HOXC8: variants seen among roughly 807,000 people sequenced by gnomAD.
HOXC8 encodes the protein homeobox protein Hox-C8.
HOXC8 carries 14 observed loss-of-function variants against 25.8 expected under a neutral mutation model. The observed-to-expected ratio is 0.54, with a 90% CI of 0.36 to 0.85. HOXC8 has a LOEUF of 0.85. HOXC8 is among the 40% of genes least tolerant of loss of function. The pLI is 0.01. For missense variants in HOXC8, 316 were observed against 308.8 expected, an observed-to-expected ratio of 1.02 and a Z score of -0.17; for synonymous variants, 144 against 124.6, an observed-to-expected ratio of 1.16 and a Z score of -1.04.
Position 54,009,438 on chromosome 12 carries a change from G to T in HOXC8, c.154G>T (p.Ala52Ser). The T allele has an allele frequency of 1.2e-6, 2 of 1,614,092 alleles. No individual in the cohort carries two copies. Among genetic ancestry groups the T allele is most frequent in the Non-Finnish European group, 1.7e-6 (2 of 1,179,996 alleles). ...CGGCTCGGCGCCCGGCTTCCAGCAC[G>T]CTTCGCACCACGTTCAAGACTTCTT... ...PGGSAPGFQHASHHVQDFFHH... is the reference protein window; with the variant it reads ...PGGSAPGFQHSSHHVQDFFHH... Residue 52 changes from alanine to serine, a missense_variant, in exon 1 of 2, where the codon GCT becomes TCT. By Grantham distance (99) the Ala-to-Ser change is moderately conservative (BLOSUM62 1). Transcript: ENST00000040584. The surrounding 1 kb of genome is among the most constrained non-coding windows in gnomAD (Gnocchi z 5.0).
In HOXC8 at chr12:54,011,513, C is replaced by T. The variant is rs550220697; in HGVS notation, c.*132C>T. 27 of 1,127,916 alleles carry T rather than the reference C, an allele frequency of 2.4e-5. No homozygotes were observed. In the African/African-American group the frequency reaches 2.4e-4, roughly 10 times the overall value. 69.9% of individuals were successfully genotyped at this position (1,127,916 alleles called of 1,614,324 possible). ...AGAATGACACTCACAACTCTAACTA[C>T]CTGTCAGATACTTGCAGCTCTGGTT... On this transcript the variant is annotated 3_prime_UTR_variant, in exon 2 of 2. Coordinates refer to ENST00000040584, the MANE Select transcript of HOXC8 (RefSeq NM_022658.4).
At position 54,011,603 on chromosome 12, in the gene HOXC8, C is replaced by G; in HGVS notation, c.*222C>G. On this transcript the variant is annotated 3_prime_UTR_variant, in exon 2 of 2. Transcript: ENST00000040584. ...GGGCTGGAGGGGGGAGACGGAGAAA[C>G]AGTGAAAAGTTCGGACTCTCTGTCT... The G allele has an allele frequency of 2.1e-6, 1 of 470,270 alleles. No homozygotes were observed. The highest frequency in any genetic ancestry group is 3.5e-6 in the Non-Finnish European group (1 of 285,384). The allele number at this position is 470,270 out of a possible 1,614,324, so 29.1% of individuals were successfully genotyped here.
chr12:54,011,690 A>T lies in HOXC8; in HGVS notation c.*309A>T, dbSNP rs959179634. 5.6e-6 allele frequency: 1 copy of T among 179,662 alleles called. No individual in the cohort carries two copies. Among genetic ancestry groups the T allele is most frequent in the African/African-American group, 2.4e-5 (1 of 42,298 alleles). The allele number at this position is 179,662 out of a possible 1,614,324, so 11.1% of individuals were successfully genotyped here. ...CCCTTCTGAGTCCTTCCTGGATTTTAAGGTCTGAGACCTGGCCTCCGTGCT... is the reference window on the plus strand; with the variant it reads ...CCCTTCTGAGTCCTTCCTGGATTTTTAGGTCTGAGACCTGGCCTCCGTGCT... On this transcript the variant is annotated 3_prime_UTR_variant, in exon 2 of 2. Coordinates refer to ENST00000040584, the MANE Select transcript of HOXC8 (RefSeq NM_022658.4).
At position 54,009,035 on chromosome 12, in the gene HOXC8, GCCGCCGCCGCCCGCTCGCCGC is replaced by G; in HGVS notation, c.-238_-218del. The G allele has an allele frequency of 6.7e-6, 1 of 149,690 alleles. No individual in the cohort carries two copies. Among genetic ancestry groups the G allele is most frequent in the Non-Finnish European group, 1.5e-5 (1 of 68,426 alleles). The allele number at this position is 149,690 out of a possible 1,614,324, so 9.3% of individuals were successfully genotyped here. A position where few individuals can be genotyped will look rare whatever the true frequency, so the allele number is the denominator to read the frequency against. On this transcript the variant is annotated 5_prime_UTR_variant, in exon 1 of 2. Coordinates refer to ENST00000040584, the MANE Select transcript of HOXC8 (RefSeq NM_022658.4). This position sits in a 1 kb window ranked among gnomAD's most constrained non-coding sequence, Gnocchi z 5.0. ...ACCGACAGTGAGGAGCGCCGCCGCC[GCCGCCGCCGCCCGCTCGCCGC>G]CCGCCGCCGCCGCCGCCCGCGCCCC...
rs369825482 is a variant in HOXC8, at chr12:54,009,518, G to C, written c.234G>C (p.Ser78=). The C allele has an allele frequency of 1.2e-6, 2 of 1,614,196 alleles. No individual in the cohort carries two copies. Among genetic ancestry groups the C allele is most frequent in the Non-Finnish European group, 1.7e-6 (2 of 1,180,034 alleles). Residue 78 remains serine, a synonymous_variant, in exon 1 of 2, where the codon TCG becomes TCC. Transcript: ENST00000040584. The surrounding 1 kb of genome is among the most constrained non-coding windows in gnomAD (Gnocchi z 5.0). ...CAGGCTACCAGCAGAACCCGTGCTC[G>C]CTTAGCTGCCACGGAGACGCCTCCA... is the stretch of plus-strand genomic sequence containing the variant. ...SNSGYQQNPC[S]LSCHGDASKF...
In HOXC8 at chr12:54,011,292, C is replaced by T; in HGVS notation, c.640C>T (p.Pro214Ser). Residue 214 changes from proline (P) to serine (S), a missense_variant, in exon 2 of 2, where the codon CCG becomes TCG. Transcript: ENST00000040584. Reference protein sequence around the residue: ...WKKENNKDKLPGARDEEKVEE... With the variant: ...WKKENNKDKLSGARDEEKVEE... Reference sequence around the variant, plus strand: ...AAAGGAGAACAACAAGGATAAACTGCCGGGAGCCCGAGATGAGGAGAAGGT... The same window carrying T: ...AAAGGAGAACAACAAGGATAAACTGTCGGGAGCCCGAGATGAGGAGAAGGT... 2 of 1,572,060 alleles carry T rather than the reference C, an allele frequency of 1.3e-6. No individual in the cohort carries two copies. Among genetic ancestry groups the T allele is most frequent in the Non-Finnish European group, 1.7e-6 (2 of 1,159,750 alleles).
rs1565729966 is a variant in HOXC8, at chr12:54,011,310, G to A, written c.658G>A (p.Glu220Lys). The A allele has an allele frequency of 3.2e-6, 5 of 1,556,470 alleles. No homozygotes were observed. The highest frequency in any genetic ancestry group is 1.2e-5 in the South Asian group (1 of 82,166). ...KDKLPGARDE[E>K]KVEEEGNEEE... ...TAAACTGCCGGGAGCCCGAGATGAG[G>A]AGAAGGTGGAGGAAGAAGGAAATGA... The change falls in exon 2 of 2, where the codon GAG becomes AAG. Residue 220 changes from glutamate (E) to lysine (K), a missense_variant. By Grantham distance (56) the Glu-to-Lys change is moderately conservative. Coordinates refer to ENST00000040584, the MANE Select transcript of HOXC8 (RefSeq NM_022658.4).
At position 54,012,394 on chromosome 12, in the gene HOXC8, A is replaced by T. The variant is rs1940018008; in HGVS notation, c.*1013A>T. 1 of 151,738 alleles carries T rather than the reference A, an allele frequency of 6.6e-6. No homozygotes were observed. The highest frequency in any genetic ancestry group is 1.5e-5 in the Non-Finnish European group (1 of 67,916). The allele number at this position is 151,738 out of a possible 1,614,324, so 9.4% of individuals were successfully genotyped here. A position where few individuals can be genotyped will look rare whatever the true frequency, so the allele number is the denominator to read the frequency against. On this transcript the variant is annotated 3_prime_UTR_variant, in exon 2 of 2. Transcript: ENST00000040584. ...TCCAGCGTATTTTATCACTACCTAT[A>T]GAAAGAAATCCTGCTTTGAGAGTAT...
chr12:54,010,084 G>A (rs1460050161), intron 1 of HOXC8, among the ~76,000 whole-genome samples: 1 of 152,232 alleles, frequency 6.6e-6, no homozygotes, highest in Non-Finnish European at 1.5e-5. Context: ...TGAGTACCCT[G>A]AGACTGTCAG....
rs1026788747 is a variant in HOXC8, at chr12:54,011,805, T to C, written c.*424T>C. The stretch of plus-strand genomic sequence containing the variant: ...CCCCCTCGAAATGCAGAAAAGGACT[T>C]GTGGTTTTGTTTTTATGCTAAGGCT... On this transcript the variant is annotated 3_prime_UTR_variant, in exon 2 of 2. Coordinates refer to ENST00000040584, the MANE Select transcript of HOXC8 (RefSeq NM_022658.4). 1 of 153,612 alleles carries C rather than the reference T, an allele frequency of 6.5e-6. No individual in the cohort carries two copies. The highest frequency in any genetic ancestry group is 2.4e-5 in the African/African-American group (1 of 41,428). The allele number at this position is 153,612 out of a possible 1,614,324, so 9.5% of individuals were successfully genotyped here. A position where few individuals can be genotyped will look rare whatever the true frequency, so the allele number is the denominator to read the frequency against.
In HOXC8 at chr12:54,009,392, T is replaced by G. The variant is rs1438247345; in HGVS notation, c.108T>G (p.His36Gln). The part of the protein sequence containing the change: ...CRFPQSVGRS[H>Q]ALVYGPGGSA... Reference sequence around the variant, plus strand: ...TCCCTCAGAGCGTGGGCAGGAGCCATGCGCTGGTGTACGGGCCCGGCGGCT... The same window carrying G: ...TCCCTCAGAGCGTGGGCAGGAGCCAGGCGCTGGTGTACGGGCCCGGCGGCT... The change falls in exon 1 of 2, where the codon CAT (histidine) becomes CAG (glutamine). Residue 36 changes from histidine (H) to glutamine (Q), a missense_variant. By Grantham distance (24) the His-to-Gln change is conservative. Coordinates refer to ENST00000040584, the MANE Select transcript of HOXC8 (RefSeq NM_022658.4). The surrounding 1 kb of genome is among the most constrained non-coding windows in gnomAD (Gnocchi z 5.0). 6.2e-7 allele frequency: 1 copy of G among 1,614,034 alleles called. No homozygotes were observed. The highest frequency in any genetic ancestry group is 8.5e-7 in the Non-Finnish European group (1 of 1,179,956).
rs1416319266 is a variant in HOXC8, at chr12:54,009,337, C to T, written c.53C>T (p.Ser18Phe). 1 of 1,608,108 alleles carries T rather than the reference C, an allele frequency of 6.2e-7. No homozygotes were observed. Among genetic ancestry groups the T allele is most frequent in the Non-Finnish European group, 8.5e-7 (1 of 1,175,390 alleles). The change falls in exon 1 of 2, where the codon TCC becomes TTC. Residue 18 changes from serine to phenylalanine, a missense_variant. Physicochemically the swap from Ser to Phe is radical, Grantham distance 155. Coordinates refer to ENST00000040584, the MANE Select transcript of HOXC8 (RefSeq NM_022658.4). This position sits in a 1 kb window ranked among gnomAD's most constrained non-coding sequence, Gnocchi z 5.0. ...TTCTCCAAATACAAAGCCGGCGAGT[C>T]CCTGGAACCGGCCTATTACGACTGC... Reference protein sequence around the residue: ...PLFSKYKAGESLEPAYYDCRF... With the variant: ...PLFSKYKAGEFLEPAYYDCRF...
At position 54,009,203 on chromosome 12, in the gene HOXC8, G is replaced by T. The variant is rs1044340590; in HGVS notation, c.-82G>T. On this transcript the variant is annotated 5_prime_UTR_variant, in exon 1 of 2. Coordinates refer to ENST00000040584, the MANE Select transcript of HOXC8 (RefSeq NM_022658.4). This position sits in a 1 kb window ranked among gnomAD's most constrained non-coding sequence, Gnocchi z 5.0. ...GCCAGCTGGCCTGGGGTTCGGTCCC[G>T]GGGGGAGGGGAGTTTCGGGGGTACT... 9 of 1,233,166 alleles carry T rather than the reference G, an allele frequency of 7.3e-6. No individual in the cohort carries two copies. The highest frequency in any genetic ancestry group is 1.0e-5 in the Non-Finnish European group (9 of 875,282). 76.4% of individuals were successfully genotyped at this position (1,233,166 alleles called of 1,614,324 possible). A position where few individuals can be genotyped will look rare whatever the true frequency, so the allele number is the denominator to read the frequency against.
Position 54,009,314 on chromosome 12 carries a change from C to A in HOXC8, c.30C>A (p.Phe10Leu), listed in dbSNP as rs773484326. 1.2e-5 allele frequency: 20 copies of A among 1,602,316 alleles called. No homozygotes were observed. The highest frequency in any genetic ancestry group is 1.6e-5 in the Non-Finnish European group (19 of 1,172,422). Reference protein sequence around the residue: MSSYFVNPLFSKYKAGESLE... With the variant: MSSYFVNPLLSKYKAGESLE... ...GCTCCTACTTCGTCAACCCCCTGTT[C>A]TCCAAATACAAAGCCGGCGAGTCCC... The change falls in exon 1 of 2, where the codon TTC becomes TTA. Residue 10 changes from phenylalanine (F) to leucine (L), a missense_variant. By Grantham distance (22) the Phe-to-Leu change is conservative. Transcript: ENST00000040584. The surrounding 1 kb of genome is among the most constrained non-coding windows in gnomAD (Gnocchi z 5.0).
Position 54,009,238 on chromosome 12 carries a change from A to G in HOXC8, c.-47A>G. 2 of 1,448,358 alleles carry G rather than the reference A, an allele frequency of 1.4e-6. No homozygotes were observed. Among genetic ancestry groups the G allele is most frequent in the Non-Finnish European group, 1.9e-6 (2 of 1,062,572 alleles). 89.7% of individuals were successfully genotyped at this position (1,448,358 alleles called of 1,614,324 possible). On this transcript the variant is annotated 5_prime_UTR_variant, in exon 1 of 2. Transcript: ENST00000040584. This position sits in a 1 kb window ranked among gnomAD's most constrained non-coding sequence, Gnocchi z 5.0. ...GAGTTTCGGGGGTACTGGGCGGGGTACTCGTGAGCCAGAGGGGAGGGGGCC... is the reference window on the plus strand; with the variant it reads ...GAGTTTCGGGGGTACTGGGCGGGGTGCTCGTGAGCCAGAGGGGAGGGGGCC...
chr12:54,011,059 G>C, intron 1 of HOXC8, 30 bp from the exon 2 acceptor site: 1 of 1,539,784 alleles, frequency 6.5e-7, no homozygotes, highest in Admixed American at 1.7e-5. Context: ...CCATCCAAAC[G>C]TAACCAGACT....
At position 54,011,179 on chromosome 12, in the gene HOXC8, G is replaced by T; in HGVS notation, c.527G>T (p.Arg176Leu). 1 of 1,614,088 alleles carries T rather than the reference G, an allele frequency of 6.2e-7. No individual in the cohort carries two copies. The part of the protein sequence containing the change: ...KEFLFNPYLT[R>L]KRRIEVSHAL... ...TTTCTCTTTAATCCTTATTTGACAC[G>T]AAAACGTCGGATTGAAGTCTCTCAT... The change falls in exon 2 of 2, where the codon CGA (arginine) becomes CTA (leucine). Residue 176 changes from arginine (R) to leucine (L), a missense_variant. By Grantham distance (102) the Arg-to-Leu change is moderately radical. Transcript: ENST00000040584.
In HOXC8 at chr12:54,012,674, A is replaced by G. The variant is rs1940024324; in HGVS notation, c.*1293A>G. ...TCATTTGTCTTTATGTCCAGCTATG[A>G]ATGTAGATTTTGTGTCCCGACAGCC... On this transcript the variant is annotated 3_prime_UTR_variant, in exon 2 of 2. Coordinates refer to ENST00000040584, the MANE Select transcript of HOXC8 (RefSeq NM_022658.4). Among the ~76,000 whole-genome samples the G allele has an allele frequency of 6.6e-6, 1 of 152,212 alleles. No homozygotes were observed. The highest frequency in any genetic ancestry group is 1.5e-5 in the Non-Finnish European group (1 of 68,050).
Position 54,011,395 on chromosome 12 carries a change from A to ACCCC in HOXC8, c.*22_*25dup. The ACCCC allele has an allele frequency of 1.7e-6, 2 of 1,152,070 alleles. No homozygotes were observed. The highest frequency in any genetic ancestry group is 2.2e-6 in the Non-Finnish European group (2 of 890,696). The allele number at this position is 1,152,070 out of a possible 1,614,324, so 71.4% of individuals were successfully genotyped here. ...AACAAGGACTAAGCAAAAAAGAAAG[A>ACCCC]CCCCCCCCCCCTTAGCAACTCCCTT... On this transcript the variant is annotated 3_prime_UTR_variant, in exon 2 of 2. Transcript: ENST00000040584.
Sources: gnomAD v4.1 joint callset for allele counts (sites outside exome capture counted in the v4.1 genomes callset) on GRCh38, gnomAD v4.1.1 for gene constraint, Gnocchi (gnomAD v3.1) non-coding constraint, MANE v1.5 for transcripts, NCBI Gene and HGNC (gene_info 2026-07-23, HGNC 2026-07-21) for gene names.